The following ELP1 variants were observed in gnomAD, a reference collection of about 807,000 sequenced individuals.
The protein encoded by ELP1 is elongator acetyltransferase complex subunit 1, also known as elongator complex protein 1.
Under a neutral mutation model 183.2 loss-of-function variants are expected in ELP1, and 131 were observed. The observed-to-expected ratio is 0.72, with a 90% CI of 0.62 to 0.83. The LOEUF (loss-of-function observed/expected upper bound fraction) is 0.83. Ranked by LOEUF, ELP1 falls within the 40% of genes least tolerant of loss-of-function variation. ELP1 has a pLI of 0.00. For missense variants in ELP1, 1,550 were observed against 1,594.9 expected (o/e 0.97, Z 0.48); for synonymous variants, 555 against 569.0 (o/e 0.98, Z 0.35).
chr9:108,924,369 T>C lies in ELP1; in HGVS notation c.467-1442A>G, dbSNP rs547082156. 7.2e-5 allele frequency among the ~76,000 whole-genome samples: 11 copies of C among 152,254 alleles called. No individual in the cohort carries two copies. In the East Asian group the frequency reaches 2.1e-3, roughly 29 times the overall value. The stretch of plus-strand genomic sequence containing the variant: ...CTGACCCCAGGATAGAGGAAAAATA[T>C]TCATCACTCCATAGAATGATTTTTT... On this transcript the variant is annotated intron_variant, in intron 5 of 36. Transcript: ENST00000374647.
At chr9:108,910,971 C>T in intron 12 of ELP1, 39 bp downstream of exon 12, 1 of 1,595,054 alleles carries the variant, frequency 6.3e-7, no homozygotes, top group Non-Finnish European at 8.6e-7. Context: ...GTAGAAGGGA[C>T]TTGATTCAGA....
intron 6 of ELP1, among the ~76,000 whole-genome samples, chr9:108,920,014 T>C (rs1484587853): frequency 6.6e-6 from 1 of 152,148 alleles, no homozygotes; most frequent in Admixed American, 6.5e-5. Flanking sequence ...AGGGAATACA[T>C]AGGTAGCCTA....
At chr9:108,925,955 A>AT (rs1344441134) in intron 5 of ELP1, among the ~76,000 whole-genome samples, 2 of 152,254 alleles carry the variant, frequency 1.3e-5, no homozygotes, top group African/African-American at 4.8e-5. Context: ...AAGTTAGACC[A>AT]TAACAGAAGT....
At chr9:108,916,839 C>T (rs1829452793) in intron 9 of ELP1, among the ~76,000 whole-genome samples, 1 of 152,148 alleles carries the variant, frequency 6.6e-6, no homozygotes, top group South Asian at 2.1e-4. Flanking sequence ...ACTCGTCTCT[C>T]AACTTAGGAT....
intron 11 of ELP1, 116 bp from the exon 12 acceptor site, chr9:108,911,296 T>G: frequency 2.0e-6 from 2 of 1,004,592 alleles, no homozygotes; most frequent in Admixed American, 4.0e-5. Context: ...AAAATAACTT[T>G]CAATGTTTTT....
At chr9:108,910,690 G>A (rs1829180239) in intron 12 of ELP1, among the ~76,000 whole-genome samples, 1 of 152,094 alleles carries the variant, frequency 6.6e-6, no homozygotes. Flanking sequence ...GAAAATATGT[G>A]TAAAGGCTAT....
In ELP1 at chr9:108,929,785, C is replaced by T; in HGVS notation, c.287G>A (p.Ser96Asn). Residue 96 changes from serine to asparagine, a missense_variant, in exon 3 of 37, where the codon AGT (serine) becomes AAT (asparagine). Coordinates refer to ENST00000374647, the MANE Select transcript of ELP1 (RefSeq NM_003640.5). Reference sequence around the variant, plus strand: ...TCCACTTACCTGTTGTGTGCTGAGACTGCAGAGTATGACGTCTCCAGAGGC... The same window carrying T: ...TCCACTTACCTGTTGTGTGCTGAGATTGCAGAGTATGACGTCTCCAGAGGC... Reference protein sequence around the residue: ...ATASGDVILCSLSTQQLECVG... With the variant: ...ATASGDVILCNLSTQQLECVG... 1.9e-6 allele frequency: 3 copies of T among 1,614,088 alleles called. No homozygotes were observed. In the South Asian group the frequency reaches 3.3e-5, roughly 18 times the overall value.
rs1554702145 is a variant in ELP1 at position 108,922,839 on chromosome 9, T to TA, written c.552+2dup. 6.2e-7 allele frequency: 1 copy of TA among 1,611,778 alleles called. No individual in the cohort carries two copies. The highest frequency in any genetic ancestry group is 8.5e-7 in the Non-Finnish European group (1 of 1,177,888). ...GGCTTTTTATCCATCAAACCAAACT[T>TA]ACCATTTGCATCTGAAAAGCTGCTT... On this transcript the variant is annotated splice_region_variant and intron_variant, in intron 6 of 36. Transcript: ENST00000374647.
intron 36 of ELP1, among the ~76,000 whole-genome samples, chr9:108,873,859 T>C (rs1183045331): frequency 1.3e-5 from 2 of 151,956 alleles, no homozygotes; most frequent in Non-Finnish European, 2.9e-5. Context: ...CATCTGTTTT[T>C]TTTTCTAAAT....
chr9:108,898,946 G>T (rs76493188), intron 20 of ELP1, among the ~76,000 whole-genome samples, 197 bp from the exon 21 acceptor site: 1 of 152,062 alleles, frequency 6.6e-6, no homozygotes, highest in Non-Finnish European at 1.5e-5. Flanking sequence ...CTTAAAAGGT[G>T]TAATTTAGTC....
intron 15 of ELP1, 115 bp downstream of exon 15, chr9:108,903,448 G>T: frequency 1.3e-6 from 1 of 770,664 alleles, no homozygotes; most frequent in Non-Finnish European, 2.3e-6. Context: ...GGGTTTTCCA[G>T]GGTAGTTAAA....
intron 14 of ELP1, among the ~76,000 whole-genome samples, 174 bp from the exon 15 acceptor site, chr9:108,903,843 ACACACAC>A (rs1828916631): frequency 6.6e-6 from 1 of 151,924 alleles, no homozygotes; most frequent in South Asian, 2.1e-4. Flanking sequence ...ACACACACAC[ACACACAC>A]ACTTATACAC....
Position 108,906,327 on chromosome 9 carries a change from T to C in ELP1, c.1619A>G (p.Glu540Gly), listed in dbSNP as rs778254283. 5.0e-6 allele frequency: 8 copies of C among 1,613,916 alleles called. No homozygotes were observed. In the South Asian group the frequency reaches 6.6e-5, roughly 13 times the overall value. Residue 540 changes from glutamate to glycine, a missense_variant, in exon 14 of 37, where the codon GAA becomes GGA. Coordinates refer to ENST00000374647, the MANE Select transcript of ELP1 (RefSeq NM_003640.5). Reference protein sequence around the residue: ...HLTAASSEMDEEHGQLNVSSS... With the variant: ...HLTAASSEMDGEHGQLNVSSS... ...CCTGACATTGAGCTGTCCATGCTCT[T>C]CATCCATCTCAGAAGAAGCTGCAGT...
chr9:108,931,305 A>C (rs1287086532), intron 1 of ELP1, 104 bp from the exon 2 acceptor site: 3 of 791,236 alleles, frequency 3.8e-6, no homozygotes, highest in East Asian at 5.5e-5. Context: ...AATAACCAAG[A>C]AAAGAAAAAA....
rs1212255193 is a variant in ELP1, at chr9:108,868,868, A to G, written c.*247T>C. On this transcript the variant is annotated 3_prime_UTR_variant, in exon 37 of 37. Coordinates refer to ENST00000374647, the MANE Select transcript of ELP1 (RefSeq NM_003640.5). Reference sequence around the variant, plus strand: ...TCTCAAACAGCCCAAGTGAAAGAACAATCATTCTCACAAAATGGTGCCATA... The same window carrying G: ...TCTCAAACAGCCCAAGTGAAAGAACGATCATTCTCACAAAATGGTGCCATA... 1.7e-6 allele frequency: 1 copy of G among 603,396 alleles called. No homozygotes were observed. The highest frequency in any genetic ancestry group is 2.7e-5 in the East Asian group (1 of 36,438). The allele number at this position is 603,396 out of a possible 1,614,324, so 37.4% of individuals were successfully genotyped here. A position where few individuals can be genotyped will look rare whatever the true frequency, so the allele number is the denominator to read the frequency against.
chr9:108,880,891 C>T (rs7035037), intron 31 of ELP1, among the ~76,000 whole-genome samples: 5 of 152,032 alleles, frequency 3.3e-5, no homozygotes, highest in African/African-American at 9.7e-5. Context: ...GGGGTGCAGA[C>T]AAGGTAAGAA....
chr9:108,897,308 T>G, intron 22 of ELP1, 23 bp from the exon 23 acceptor site: 2 of 1,613,700 alleles, frequency 1.2e-6, no homozygotes, highest in Non-Finnish European at 1.7e-6. Flanking sequence ...GTGTATGGAA[T>G]GGTCATCAAC....
chr9:108,908,159 A>G (rs1829086863), intron 13 of ELP1, 146 bp downstream of exon 13: 1 of 685,178 alleles, frequency 1.5e-6, no homozygotes, highest in African/African-American at 1.8e-5. Flanking sequence ...GGCTTCTCCA[A>G]TCAGATCCGA....
intron 10 of ELP1, 83 bp from the exon 11 acceptor site, chr9:108,912,577 T>G (rs962483419): frequency 8.3e-6 from 8 of 963,114 alleles, no homozygotes; most frequent in Non-Finnish European, 1.3e-5. Flanking sequence ...AAGGGCAATC[T>G]TTTCTTTTTC....
Sources: allele counts gnomAD v4.1 joint callset (sites outside exome capture counted in the v4.1 genomes callset), GRCh38; gene constraint gnomAD v4.1.1; transcripts MANE v1.5; gene names NCBI Gene and HGNC (gene_info 2026-07-23, HGNC 2026-07-21).